KPNA3: variants seen among roughly 807,000 people sequenced by gnomAD.
KPNA3 encodes importin subunit alpha-4.
A neutral mutation model predicts 73.8 loss-of-function variants in KPNA3; 13 were observed. The ratio of observed to expected loss-of-function variants is 0.18; its 90% CI spans 0.11 to 0.28. The LOEUF (loss-of-function observed/expected upper bound fraction) is 0.28, where lower values mean the gene tolerates loss of function less well. Ranked by LOEUF, KPNA3 falls within the 10% of genes least tolerant of loss-of-function variation. The pLI is 1.00. For synonymous variants in KPNA3, 186 were observed against 206.9 expected (o/e 0.90, Z 0.87); for missense variants, 360 against 618.1 (o/e 0.58, Z 4.43).
At chr13:49,779,678 C>T (rs1178301863) in intron 1 of KPNA3, among the ~76,000 whole-genome samples, 1 of 152,126 alleles carries the variant, frequency 6.6e-6, no homozygotes. Context: ...TTCCACCCTA[C>T]GTCTTCCTCA....
intron 10 of KPNA3, among the ~76,000 whole-genome samples, chr13:49,716,802 G>A (rs1040464934): frequency 6.6e-6 from 1 of 151,976 alleles, no homozygotes; most frequent in African/African-American, 2.4e-5. Context: ...TTCCTGAAAC[G>A]CCAGGAATTC....
chr13:49,765,437 A>C (rs144601434), intron 1 of KPNA3, among the ~76,000 whole-genome samples: 100 of 152,306 alleles, frequency 6.6e-4, no homozygotes, highest in African/African-American at 2.4e-3. Flanking sequence ...CAATTCACCT[A>C]AAGTATACAT....
chr13:49,773,446 T>C (rs1954871672), intron 1 of KPNA3, among the ~76,000 whole-genome samples: 3 of 152,206 alleles, frequency 2.0e-5, no homozygotes, highest in African/African-American at 4.8e-5. Context: ...GATGATATAA[T>C]TACCAATGTC....
intron 8 of KPNA3, 33 bp downstream of exon 8, chr13:49,722,444 G>T: frequency 7.0e-7 from 1 of 1,426,176 alleles, no homozygotes; most frequent in South Asian, 1.2e-5. Flanking sequence ...AGTTAATTTA[G>T]ATTCTTAAGA....
intron 2 of KPNA3, among the ~76,000 whole-genome samples, chr13:49,736,934 T>C (rs1954527049): frequency 6.6e-6 from 1 of 152,220 alleles, no homozygotes; most frequent in Non-Finnish European, 1.5e-5. Flanking sequence ...GTATGGTATA[T>C]AACCTTTTTA....
At chr13:49,789,396 A>C (rs1438820717) in intron 1 of KPNA3, among the ~76,000 whole-genome samples, 1 of 152,144 alleles carries the variant, frequency 6.6e-6, no homozygotes, top group Non-Finnish European at 1.5e-5. Flanking sequence ...ATTGAATGAC[A>C]AAGAAATTTT....
intron 2 of KPNA3, among the ~76,000 whole-genome samples, chr13:49,735,684 CAT>C (rs953186777): frequency 2.0e-5 from 3 of 152,148 alleles, no homozygotes; most frequent in Non-Finnish European, 2.9e-5. Context: ...CTTAAACACA[CAT>C]ATGGATTAAA....
chr13:49,792,250 G>T (rs1210070079), intron 1 of KPNA3, among the ~76,000 whole-genome samples, 188 bp downstream of exon 1: 2 of 151,526 alleles, frequency 1.3e-5, no homozygotes, highest in Non-Finnish European at 2.9e-5. Flanking sequence ...AGCTCCGGGG[G>T]GTGACTGCAG....
intron 1 of KPNA3, among the ~76,000 whole-genome samples, chr13:49,754,258 G>A (rs567076194): frequency 4.6e-5 from 7 of 152,218 alleles, no homozygotes; most frequent in Admixed American, 2.6e-4. Context: ...CTGAGATCAC[G>A]TCACTGCACT....
Position 49,740,656 on chromosome 13 carries a change from T to G in KPNA3, c.114+6293A>C, listed in dbSNP as rs918566327. Among the ~76,000 whole-genome samples the G allele has an allele frequency of 3.3e-5, 5 of 152,306 alleles. No individual in the cohort carries two copies. The East Asian group carries it at 9.6e-4, about 29-fold the overall frequency. On this transcript the variant is annotated intron_variant, in intron 2 of 16. Coordinates refer to ENST00000261667, the MANE Select transcript of KPNA3 (RefSeq NM_002267.4). The stretch of plus-strand genomic sequence containing the variant: ...TGGAAGTGTGAGTCCAATAAACCTC[T>G]TTCTTTTGTAAATTGCCCAGTTTCA...
At chr13:49,731,034 C>G (rs925868564) in intron 6 of KPNA3, among the ~76,000 whole-genome samples, 1 of 151,762 alleles carries the variant, frequency 6.6e-6, no homozygotes, top group African/African-American at 2.4e-5. Flanking sequence ...CCTGCCTCAG[C>G]CTCCCAAAGT....
At chr13:49,734,572 C>A (rs1171440249) in intron 2 of KPNA3, among the ~76,000 whole-genome samples, 1 of 152,178 alleles carries the variant, frequency 6.6e-6, no homozygotes. Context: ...AGTGTTTAAA[C>A]TGTGGACTAC....
At chr13:49,710,806 G>C in intron 11 of KPNA3, 85 bp downstream of exon 11, 1 of 1,195,306 alleles carries the variant, frequency 8.4e-7, no homozygotes, top group Admixed American at 2.2e-5. Flanking sequence ...AGCACTTACA[G>C]ATAGAATTAA....
At chr13:49,777,787 G>C (rs1047814384) in intron 1 of KPNA3, among the ~76,000 whole-genome samples, 1 of 151,604 alleles carries the variant, frequency 6.6e-6, no homozygotes, top group Admixed American at 6.6e-5. Flanking sequence ...CTGAGATTAC[G>C]GGCATGAGCC....
intron 1 of KPNA3, among the ~76,000 whole-genome samples, chr13:49,758,897 T>C (rs1011081349): frequency 1.3e-5 from 2 of 152,054 alleles, no homozygotes; most frequent in African/African-American, 4.8e-5. Flanking sequence ...GCATAGACAA[T>C]ACTCTCAAAA....
intron 1 of KPNA3, among the ~76,000 whole-genome samples, chr13:49,787,310 A>G (rs528421369): frequency 2.0e-5 from 3 of 152,246 alleles, no homozygotes; most frequent in Non-Finnish European, 2.9e-5. Context: ...AAAAAGGCAA[A>G]TAAATCTAAT....
At chr13:49,780,907 G>A (rs976730296) in intron 1 of KPNA3, among the ~76,000 whole-genome samples, 1 of 151,816 alleles carries the variant, frequency 6.6e-6, no homozygotes, top group Non-Finnish European at 1.5e-5. Flanking sequence ...TTTTAGTAGA[G>A]ACAGCGTTTC....
intron 7 of KPNA3, among the ~76,000 whole-genome samples, chr13:49,724,382 C>T (rs1954388978): frequency 6.6e-6 from 1 of 151,928 alleles, no homozygotes; most frequent in Admixed American, 6.6e-5. Context: ...CGGCTCACTG[C>T]AAGCTCCGCC....
rs191618823 is a variant in KPNA3 at position 49,776,219 on chromosome 13, C to T, written c.69+16219G>A. On this transcript the variant is annotated intron_variant, in intron 1 of 16. Transcript: ENST00000261667. ...GCATGAGCTACCACGCCAGGCTGTA[C>T]CCCTACAGAACTTTAACATCCAAGT... 3.4e-3 allele frequency among the ~76,000 whole-genome samples: 518 copies of T among 152,150 alleles called. 3 individuals carry two copies. Among genetic ancestry groups the T allele is most frequent in the Non-Finnish European group, 5.7e-3 (388 of 67,986 alleles).
Sources: allele counts gnomAD v4.1 joint callset (sites outside exome capture counted in the v4.1 genomes callset), GRCh38; gene constraint gnomAD v4.1.1; transcripts MANE v1.5; gene names NCBI Gene and HGNC (gene_info 2026-07-23, HGNC 2026-07-21).